Variants in SLC7A11 observed in about 807,000 individuals in gnomAD.
The protein encoded by SLC7A11 is solute carrier family 7 member 11, also known as cystine/glutamate transporter.
A neutral mutation model predicts 54.5 loss-of-function variants in SLC7A11; 35 were observed. The ratio of observed to expected loss-of-function variants is 0.64; its 90% CI spans 0.49 to 0.85. The LOEUF is 0.85. Among genes scored for constraint, SLC7A11 ranks in the 40% least tolerant of loss-of-function variants. The pLI, the probability that SLC7A11 is intolerant of heterozygous loss-of-function variation, is 0.00. For synonymous variants in SLC7A11, 230 were observed against 225.2 expected (o/e 1.02, Z -0.19); for missense variants, 583 against 618.1 (o/e 0.94, Z 0.60).
chr4:138,168,257 C>T lies in SLC7A11; in HGVS notation c.*3699G>A, dbSNP rs1480128260. 1.3e-5 allele frequency: 2 copies of T among 152,148 alleles called. No homozygotes were observed. The highest frequency in any genetic ancestry group is 2.9e-5 in the Non-Finnish European group (2 of 68,026). The allele number at this position is 152,148 out of a possible 1,614,324, so 9.4% of individuals were successfully genotyped here. ...ACTGAAGCTTAGGTTTCATTAGCTTCCTGCGAGATCCACCTATGCACAGCA... is the reference window on the plus strand; with the variant it reads ...ACTGAAGCTTAGGTTTCATTAGCTTTCTGCGAGATCCACCTATGCACAGCA... On this transcript the variant is annotated 3_prime_UTR_variant, in exon 12 of 12. Transcript: ENST00000280612.
intron 11 of SLC7A11, among the ~76,000 whole-genome samples, chr4:138,175,254 G>T (rs1051309347): frequency 2.6e-5 from 4 of 152,164 alleles, no homozygotes; most frequent in Non-Finnish European, 5.9e-5. Flanking sequence ...TGTCCACAAA[G>T]ATGCATTACA....
intron 6 of SLC7A11, among the ~76,000 whole-genome samples, chr4:138,186,342 C>G (rs1736876278): frequency 6.6e-6 from 1 of 152,058 alleles, no homozygotes; most frequent in Non-Finnish European, 1.5e-5. Context: ...AAATGCAGTT[C>G]AGAATCAGGG....
At chr4:138,229,185 T>C (rs1379686637) in intron 3 of SLC7A11, among the ~76,000 whole-genome samples, 1 of 152,192 alleles carries the variant, frequency 6.6e-6, no homozygotes, top group Admixed American at 6.5e-5. Flanking sequence ...TTCAACTCTG[T>C]TTTCTACATC....
intron 3 of SLC7A11, among the ~76,000 whole-genome samples, chr4:138,230,619 AG>A (rs1235670561): frequency 6.6e-6 from 1 of 152,182 alleles, no homozygotes; most frequent in Non-Finnish European, 1.5e-5. Context: ...CTTCAATTCC[AG>A]GTTGTTTCCC....
At position 138,168,906 on chromosome 4, in the gene SLC7A11, G is replaced by C. The variant is rs1382414302; in HGVS notation, c.*3050C>G. ...ATACTTTTTAAATGGGGTCAAAACA[G>C]TATTATAAGGAAAATATTTACTGCA... On this transcript the variant is annotated 3_prime_UTR_variant, in exon 12 of 12. Coordinates refer to ENST00000280612, the MANE Select transcript of SLC7A11 (RefSeq NM_014331.4). 2 of 152,116 alleles carry C rather than the reference G, an allele frequency of 1.3e-5. No individual in the cohort carries two copies. Among genetic ancestry groups the C allele is most frequent in the Non-Finnish European group, 2.9e-5 (2 of 68,006 alleles). The allele number at this position is 152,116 out of a possible 1,614,324, so 9.4% of individuals were successfully genotyped here. A position where few individuals can be genotyped will look rare whatever the true frequency, so the allele number is the denominator to read the frequency against.
At chr4:138,182,715 C>A (rs1736777762) in intron 8 of SLC7A11, among the ~76,000 whole-genome samples, 1 of 151,966 alleles carries the variant, frequency 6.6e-6, no homozygotes. Context: ...TGTTGTCAAT[C>A]CAATTCAACA....
intron 1 of SLC7A11, among the ~76,000 whole-genome samples, chr4:138,236,753 TGGAAATAGG>T (rs1312245252): frequency 6.6e-6 from 1 of 152,124 alleles, no homozygotes; most frequent in African/African-American, 2.4e-5. Context: ...GCTGAAAACC[TGGAAATAGG>T]GGAAAAAGAG....
intron 1 of SLC7A11, among the ~76,000 whole-genome samples, chr4:138,239,230 C>A (rs1199933907): frequency 1.3e-5 from 2 of 152,104 alleles, no homozygotes; most frequent in South Asian, 4.1e-4. Context: ...ATACCTAGAC[C>A]TCTATATGCT....
chr4:138,219,315 T>C lies in SLC7A11; in HGVS notation c.697A>G (p.Thr233Ala). The change falls in exon 5 of 12, where the codon ACG becomes GCG. Residue 233 changes from threonine to alanine, a missense_variant. Thr to Ala is a moderately conservative substitution (Grantham distance 58). Transcript: ENST00000280612. Reference sequence around the variant, plus strand: ...TAATAAAAAGCCAGTGGCAACCGCGTAATACTTGAATCTCTTCCTGAAAAG... The same window carrying C: ...TAATAAAAAGCCAGTGGCAACCGCGCAATACTTGAATCTCTTCCTGAAAAG... ...DAFSGRDSSI[T>A]RLPLAFYYGM... The C allele has an allele frequency of 6.2e-7, 1 of 1,611,538 alleles. No individual in the cohort carries two copies. The highest frequency in any genetic ancestry group is 1.7e-4 in the Middle Eastern group (1 of 6,056).
In SLC7A11 at chr4:138,169,478, C is replaced by T. The variant is rs1020075155; in HGVS notation, c.*2478G>A. On this transcript the variant is annotated 3_prime_UTR_variant, in exon 12 of 12. Coordinates refer to ENST00000280612, the MANE Select transcript of SLC7A11 (RefSeq NM_014331.4). Reference sequence around the variant, plus strand: ...GGGAAATTTAATAATGCAAAAATCACTTTTGAAAATGAGAAAGAATAATTC... The same window carrying T: ...GGGAAATTTAATAATGCAAAAATCATTTTTGAAAATGAGAAAGAATAATTC... 1.3e-5 allele frequency: 2 copies of T among 152,002 alleles called. No homozygotes were observed. Among genetic ancestry groups the T allele is most frequent in the Non-Finnish European group, 2.9e-5 (2 of 67,992 alleles). 9.4% of individuals were successfully genotyped at this position (152,002 alleles called of 1,614,324 possible).
intron 6 of SLC7A11, among the ~76,000 whole-genome samples, chr4:138,197,674 C>T (rs1396661402): frequency 6.6e-6 from 1 of 151,864 alleles, no homozygotes; most frequent in Admixed American, 6.6e-5. Context: ...TCCACTTGAA[C>T]AGCTAAGAGT....
At chr4:138,188,363 G>A (rs1446251190) in intron 6 of SLC7A11, among the ~76,000 whole-genome samples, 1 of 152,130 alleles carries the variant, frequency 6.6e-6, no homozygotes, top group African/African-American at 2.4e-5. Flanking sequence ...ACGCCCAGCT[G>A]ATAATTAGAT....
intron 6 of SLC7A11, among the ~76,000 whole-genome samples, chr4:138,211,734 CAACATAGATT>C (rs1737554383): frequency 6.6e-6 from 1 of 151,766 alleles, no homozygotes. Context: ...TTATTTGAAG[CAACATAGATT>C]AACCTGGAGG....
In SLC7A11 at chr4:138,200,879, C is replaced by T. The variant is rs114642497; in HGVS notation, c.791+13706G>A. Reference sequence around the variant, plus strand: ...CCAAGTAGAGAACTCTTTGTACACACGGGTAATATGATAATTGAAACCATT... The same window carrying T: ...CCAAGTAGAGAACTCTTTGTACACATGGGTAATATGATAATTGAAACCATT... On this transcript the variant is annotated intron_variant, in intron 6 of 11. Transcript: ENST00000280612. Among the ~76,000 whole-genome samples the T allele has an allele frequency of 1.7e-3, 259 of 152,130 alleles. 1 individual carries two copies. The highest frequency in any genetic ancestry group is 5.7e-3 in the African/African-American group (235 of 41,544).
intron 6 of SLC7A11, among the ~76,000 whole-genome samples, chr4:138,213,041 C>T (rs1470341306): frequency 6.6e-6 from 1 of 151,870 alleles, no homozygotes; most frequent in Non-Finnish European, 1.5e-5. Flanking sequence ...TATGCTGGTG[C>T]TTACATACAA....
chr4:138,241,070 A>C (rs1277986504), intron 1 of SLC7A11, among the ~76,000 whole-genome samples: 1 of 152,212 alleles, frequency 6.6e-6, no homozygotes, highest in African/African-American at 2.4e-5. Flanking sequence ...ATAATGAAAA[A>C]AACAGATCTG....
chr4:138,223,923 C>T (rs1223660621), intron 3 of SLC7A11, among the ~76,000 whole-genome samples: 3 of 152,150 alleles, frequency 2.0e-5, no homozygotes, highest in Non-Finnish European at 4.4e-5. Flanking sequence ...TTCAGGGCTT[C>T]AGCACAATAT....
At chr4:138,199,226 A>G (rs1408533630) in intron 6 of SLC7A11, among the ~76,000 whole-genome samples, 2 of 152,198 alleles carry the variant, frequency 1.3e-5, no homozygotes, top group Admixed American at 6.6e-5. Context: ...TATCAAAATA[A>G]TAACAGTGAG....
At chr4:138,203,244 G>A (rs1051253494) in intron 6 of SLC7A11, among the ~76,000 whole-genome samples, 1 of 152,004 alleles carries the variant, frequency 6.6e-6, no homozygotes, top group Admixed American at 6.6e-5. Flanking sequence ...GCATTAGTGT[G>A]TCATTTTTTC....
Sources: allele counts gnomAD v4.1 joint callset (sites outside exome capture counted in the v4.1 genomes callset), GRCh38; gene constraint gnomAD v4.1.1; transcripts MANE v1.5; gene names NCBI Gene and HGNC (gene_info 2026-07-23, HGNC 2026-07-21).